Variants in PMVK observed in about 807,000 individuals in gnomAD.
The protein encoded by PMVK is phosphomevalonate kinase, also known as testis tissue sperm-binding protein Li 95mP.
Under a neutral mutation model 19.0 loss-of-function variants are expected in PMVK, and 10 were observed. That is an observed-to-expected ratio of 0.53 (90% CI 0.32 to 0.89). The LOEUF is 0.89. Among genes scored for constraint, PMVK ranks in the 40% least tolerant of loss-of-function variants. The pLI, the probability that PMVK is intolerant of heterozygous loss-of-function variation, is 0.03. For missense variants in PMVK, 222 were observed against 251.1 expected (o/e 0.88, Z 0.78); for synonymous variants, 108 against 101.6 (o/e 1.06, Z -0.38).
chr1:154,926,405 C>A lies in PMVK; in HGVS notation c.391G>T (p.Val131Phe), dbSNP rs151267286. The A allele has an allele frequency of 9.9e-6, 16 of 1,613,784 alleles. No individual in the cohort carries two copies. The highest frequency in any genetic ancestry group is 1.3e-5 in the African/African-American group (1 of 74,926). The change falls in exon 4 of 5, where the codon GTT becomes TTT. Residue 131 changes from valine (V) to phenylalanine (F), a missense_variant. Transcript: ENST00000368467. ...TGTCGGCTCTGCTCCAACGCTACAA[C>A]GCGGACCGTCTGCGTCACGGCCCCA... ...AYGAVTQTVR[V>F]VALEQSRQQR...
chr1:154,937,272 G>C (rs115341134), upstream of PMVK: 1,375 of 153,036 alleles, frequency 9.0e-3, 10 homozygotes, highest in Non-Finnish European at 0.014. Context: ...GCCCTGACGC[G>C]AGCGGCGTGT....
rs1404791764 is a variant in PMVK, at chr1:154,926,282, G to C, written c.442+72C>G. 15 of 1,461,578 alleles carry C rather than the reference G, an allele frequency of 1.0e-5. No homozygotes were observed. The East Asian group carries it at 3.2e-4, about 31-fold the overall frequency. The allele number at this position is 1,461,578 out of a possible 1,614,324, so 90.5% of individuals were successfully genotyped here. On this transcript the variant is annotated intron_variant, in intron 4 of 4. Transcript: ENST00000368467. ...TATCATCCCTTATTCACTTCCCCCA[G>C]GCCTGCCCGGTAGACAAACCACAGG... is the stretch of plus-strand genomic sequence containing the variant.
chr1:154,937,869 C>G (rs1262662912), upstream of PMVK: 1 of 151,672 alleles, frequency 6.6e-6, no homozygotes, highest in African/African-American at 2.4e-5. Flanking sequence ...TTTCAGCAAC[C>G]CAGAAAACAC....
chr1:154,933,067 C>T (rs1454093724), intron 1 of PMVK, among the ~76,000 whole-genome samples: 20 of 152,140 alleles, frequency 1.3e-4, no homozygotes, highest in Non-Finnish European at 1.5e-5. Context: ...CATGATTGTA[C>T]CACTGTATGC....
intron 1 of PMVK, among the ~76,000 whole-genome samples, chr1:154,934,410 G>A (rs1280917969): frequency 1.3e-5 from 2 of 152,092 alleles, no homozygotes; most frequent in Non-Finnish European, 2.9e-5. Context: ...TTGAACTCCT[G>A]GGCTCAGGCA....
intron 2 of PMVK, 105 bp from the exon 3 acceptor site, chr1:154,929,281 C>T (rs1571380271): frequency 2.9e-6 from 3 of 1,041,438 alleles, no homozygotes; most frequent in East Asian, 4.8e-5. Context: ...TCCCCCAGGG[C>T]TGATGCAAGG....
Position 154,925,102 on chromosome 1 carries a change from C to T in PMVK, c.*27G>A, listed in dbSNP as rs1262260870. The T allele has an allele frequency of 1.3e-6, 2 of 1,596,566 alleles. No homozygotes were observed. Among genetic ancestry groups the T allele is most frequent in the Non-Finnish European group, 1.7e-6 (2 of 1,169,464 alleles). On this transcript the variant is annotated 3_prime_UTR_variant, in exon 5 of 5. Coordinates refer to ENST00000368467, the MANE Select transcript of PMVK (RefSeq NM_006556.4). ...TCAGCCCCACCCCCACCTCAGCAGGCCCCAGCTCACTCCTAGAACCTAGTG... is the reference window on the plus strand; with the variant it reads ...TCAGCCCCACCCCCACCTCAGCAGGTCCCAGCTCACTCCTAGAACCTAGTG...
At chr1:154,940,088 T>G (rs999357503), upstream of PMVK, among the ~76,000 whole-genome samples, 3 of 152,204 alleles carry the variant, frequency 2.0e-5, no homozygotes, top group Non-Finnish European at 4.4e-5. Flanking sequence ...GCCTGTTCCT[T>G]TGCTGGCCTC....
At position 154,936,678 on chromosome 1, in the gene PMVK, G is replaced by A. The variant is rs1468874525; in HGVS notation, c.8C>T (p.Pro3Leu). 2 of 1,603,732 alleles carry A rather than the reference G, an allele frequency of 1.2e-6. No individual in the cohort carries two copies. The highest frequency in any genetic ancestry group is 1.1e-5 in the South Asian group (1 of 89,296). The change falls in exon 1 of 5, where the codon CCG becomes CTG. Residue 3 changes from proline (P) to leucine (L), a missense_variant. Physicochemically the swap from Pro to Leu is moderately conservative, Grantham distance 98. Transcript: ENST00000368467. ...TACCAGCCGCGGGGCGCCTCCCAGC[G>A]GGGCCATGGGGCCGCCACGCCTCGC... MA[P>L]LGGAPRLVLL...
At chr1:154,936,567 C>A in intron 1 of PMVK, 24 bp downstream of exon 1, 1 of 1,580,710 alleles carries the variant, frequency 6.3e-7, no homozygotes, top group Non-Finnish European at 8.6e-7. Context: ...GCTCCCCCTT[C>A]CACCTTTCCC....
chr1:154,927,274 G>A (rs1379911571), intron 3 of PMVK, among the ~76,000 whole-genome samples: 3 of 151,474 alleles, frequency 2.0e-5, no homozygotes, highest in South Asian at 2.1e-4. Flanking sequence ...GTAAAACACC[G>A]TCTCGACTAA....
chr1:154,925,107 G>T lies in PMVK; in HGVS notation c.*22C>A. 1.3e-6 allele frequency: 1 copy of T among 767,870 alleles called. No individual in the cohort carries two copies. The allele number at this position is 767,870 out of a possible 1,614,324, so 47.6% of individuals were successfully genotyped here. On this transcript the variant is annotated 3_prime_UTR_variant, in exon 5 of 5. Coordinates refer to ENST00000368467, the MANE Select transcript of PMVK (RefSeq NM_006556.4). ...CCCACCCCCACCTCAGCAGGCCCCA[G>T]CTCACTCCTAGAACCTAGTGACTAA...
the PMVK span, among the ~76,000 whole-genome samples, chr1:154,942,570 A>C: frequency 6.6e-6 from 1 of 152,316 alleles, no homozygotes; most frequent in South Asian, 2.1e-4. Flanking sequence ...GCCCTCCCCA[A>C]CATACCCCTT....
Position 154,925,150 on chromosome 1 carries a change from T to C in PMVK, c.558A>G (p.Glu186=). The C allele has an allele frequency of 6.8e-7, 1 of 1,480,886 alleles. No homozygotes were observed. The highest frequency in any genetic ancestry group is 9.1e-7 in the Non-Finnish European group (1 of 1,102,294). 91.7% of individuals were successfully genotyped at this position (1,480,886 alleles called of 1,614,324 possible). Residue 186 remains glutamate, a synonymous_variant, in exon 5 of 5, where the codon GAA becomes GAG. Coordinates refer to ENST00000368467, the MANE Select transcript of PMVK (RefSeq NM_006556.4). The part of the protein sequence containing the change: ...RLEEQLENLI[E]FIRSRL ...GTGACTAAAGTCTGGAGCGGATAAA[T>C]TCTATCAGGTTCTCCAACTGCTCCT...
At chr1:154,930,069 T>G (rs1231924927) in intron 2 of PMVK, among the ~76,000 whole-genome samples, 3 of 152,242 alleles carry the variant, frequency 2.0e-5, no homozygotes, top group Non-Finnish European at 4.4e-5. Flanking sequence ...CATTTCATTT[T>G]GGTTTTGTTT....
chr1:154,933,345 A>G (rs540890952), intron 1 of PMVK, among the ~76,000 whole-genome samples: 4 of 151,678 alleles, frequency 2.6e-5, no homozygotes, highest in Admixed American at 1.3e-4. Flanking sequence ...AGGCAGGAGA[A>G]TCACCTGAAC....
upstream of PMVK, among the ~76,000 whole-genome samples, chr1:154,940,688 T>A (rs994762160): frequency 6.6e-6 from 1 of 152,168 alleles, no homozygotes; most frequent in African/African-American, 2.4e-5. Context: ...CTGGCACCAT[T>A]AAGAGAGTAC....
Position 154,926,357 on chromosome 1 carries a change from G to A in PMVK, c.439C>T (p.Pro147Ser). 1 of 1,612,800 alleles carries A rather than the reference G, an allele frequency of 6.2e-7. No homozygotes were observed. The highest frequency in any genetic ancestry group is 1.3e-5 in the African/African-American group (1 of 75,046). The part of the protein sequence containing the change: ...SRQQRGWVFT[P>S]GVDDAESECG... ...CCCTACACATAGAGTGGCTCACCTG[G>A]CGTGAACACCCAGCCCCGCTGCTGT... is the stretch of plus-strand genomic sequence containing the variant. The change falls in exon 4 of 5, where the codon CCA becomes TCA. Residue 147 changes from proline (P) to serine (S), a missense_variant. Coordinates refer to ENST00000368467, the MANE Select transcript of PMVK (RefSeq NM_006556.4).
intron 1 of PMVK, among the ~76,000 whole-genome samples, chr1:154,934,829 G>A (rs776912330): frequency 8.6e-5 from 13 of 152,018 alleles, no homozygotes; most frequent in African/African-American, 2.7e-4. Flanking sequence ...CTGGGAGGCC[G>A]AGGCAGGCAG....
Sources: gnomAD v4.1 joint callset for allele counts (sites outside exome capture counted in the v4.1 genomes callset) on GRCh38, gnomAD v4.1.1 for gene constraint, MANE v1.5 for transcripts, NCBI Gene and HGNC (gene_info 2026-07-23, HGNC 2026-07-21) for gene names.